RBFOX1: variants seen among roughly 807,000 people sequenced by gnomAD.
RBFOX1 encodes the protein RNA binding fox-1 homolog 1.
Under a neutral mutation model 57.7 loss-of-function variants are expected in RBFOX1, and 8 were observed. The observed-to-expected ratio is 0.14, with a 90% CI of 0.08 to 0.25. The LOEUF (loss-of-function observed/expected upper bound fraction) is 0.25, where lower values mean the gene tolerates loss of function less well. RBFOX1 is among the 10% of genes least tolerant of loss of function. The pLI, the probability that RBFOX1 is intolerant of heterozygous loss-of-function variation, is 1.00. For synonymous variants in RBFOX1, 326 were observed against 222.4 expected (o/e 1.47, Z -4.15); for missense variants, 611 against 548.5 (o/e 1.11, Z -1.14).
intron 4 of RBFOX1, among the ~76,000 whole-genome samples, chr16:7,145,898 C>G (rs1473572307): frequency 6.6e-6 from 1 of 152,136 alleles, no homozygotes; most frequent in Non-Finnish European, 1.5e-5. Flanking sequence ...TTCCCATCCC[C>G]TCAAGTCCAT....
At chr16:5,432,829 G>A (rs4273040) in intron 1 of RBFOX1, among the ~76,000 whole-genome samples, 87,397 of 150,974 alleles carry the variant, frequency 0.58, 25,436 homozygotes, top group East Asian at 0.68. Flanking sequence ...TCTGTCTCCT[G>A]GGTTGGAGTG....
chr16:6,635,811 C>G (rs1052264540), intron 2 of RBFOX1, among the ~76,000 whole-genome samples: 1 of 152,142 alleles, frequency 6.6e-6, no homozygotes, highest in Non-Finnish European at 1.5e-5. Flanking sequence ...GTTTAGGTCA[C>G]TATCATATTC....
At chr16:7,000,814 G>C (rs1004884368) in intron 3 of RBFOX1, among the ~76,000 whole-genome samples, 5 of 151,932 alleles carry the variant, frequency 3.3e-5, no homozygotes, top group African/African-American at 9.7e-5. Flanking sequence ...GTGTTAGCCA[G>C]GATGCTCTCG....
intron 2 of RBFOX1, among the ~76,000 whole-genome samples, chr16:6,440,608 C>G (rs2094355971): frequency 1.3e-5 from 2 of 152,034 alleles, no homozygotes; most frequent in African/African-American, 4.8e-5. Flanking sequence ...CAAGATCATC[C>G]TGGCCAATAC....
intron 3 of RBFOX1, among the ~76,000 whole-genome samples, chr16:5,725,186 C>G (rs964258724): frequency 3.9e-5 from 6 of 152,112 alleles, no homozygotes; most frequent in Non-Finnish European, 8.8e-5. Context: ...ATGAGCATGC[C>G]AAAACAATCC....
intron 9 of RBFOX1, among the ~76,000 whole-genome samples, chr16:7,602,025 G>A (rs538026654): frequency 1.3e-5 from 2 of 152,168 alleles, no homozygotes; most frequent in Admixed American, 6.5e-5. Context: ...AGAAAGCATT[G>A]ACAGGCAGTT....
intron 2 of RBFOX1, among the ~76,000 whole-genome samples, chr16:6,416,026 TGA>T (rs2093615717): frequency 6.6e-6 from 1 of 152,202 alleles, no homozygotes; most frequent in African/African-American, 2.4e-5. Context: ...CTGCTGTTTC[TGA>T]GATGAGCTAC....
intron 4 of RBFOX1, among the ~76,000 whole-genome samples, chr16:7,419,925 C>CCT (rs2098523528): frequency 9.8e-6 from 1 of 101,732 alleles, no homozygotes; most frequent in Admixed American, 1.0e-4. Flanking sequence ...TTCTTTCTTC[C>CCT]TTTTTTTTTT....
chr16:6,873,201 G>C (rs2061255935), intron 3 of RBFOX1, among the ~76,000 whole-genome samples: 1 of 151,414 alleles, frequency 6.6e-6, no homozygotes, highest in African/African-American at 2.4e-5. Flanking sequence ...GAGGAGTAGA[G>C]ATTTTTGCCT....
intron 3 of RBFOX1, among the ~76,000 whole-genome samples, chr16:6,861,747 C>G (rs531596539): frequency 2.6e-5 from 4 of 151,006 alleles, no homozygotes; most frequent in African/African-American, 9.8e-5. Flanking sequence ...ATTTGAAAAC[C>G]CTATTGATAA....
chr16:6,473,638 T>C (rs2095226840), intron 2 of RBFOX1, among the ~76,000 whole-genome samples: 1 of 152,112 alleles, frequency 6.6e-6, no homozygotes, highest in African/African-American at 2.4e-5. Flanking sequence ...ACAGAGGCTA[T>C]TTATTCAGAG....
rs571877331 is a variant in RBFOX1 at position 6,833,219 on chromosome 16, G to A, written c.-16+178569G>A. On this transcript the variant is annotated intron_variant, in intron 3 of 15. Coordinates refer to ENST00000550418, the MANE Select transcript of RBFOX1 (RefSeq NM_018723.4). ...CTTTTTCTGTCACCCAGGGTGGAGT[G>A]CAGTGGTAAAATCTCGGCTCATTAC... Among the ~76,000 whole-genome samples, 4 of 151,766 alleles carry A rather than the reference G, an allele frequency of 2.6e-5. No individual in the cohort carries two copies. In the South Asian group the frequency reaches 8.4e-4, roughly 32 times the overall value.
At chr16:6,058,287 T>C (rs1185999599) in intron 1 of RBFOX1, among the ~76,000 whole-genome samples, 1 of 151,842 alleles carries the variant, frequency 6.6e-6, no homozygotes, top group Non-Finnish European at 1.5e-5. Context: ...CCTCCTTCTT[T>C]CCCTGCCTTC....
chr16:6,659,586 T>C (rs532724889), intron 3 of RBFOX1, among the ~76,000 whole-genome samples: 2 of 152,148 alleles, frequency 1.3e-5, no homozygotes, highest in Non-Finnish European at 2.9e-5. Context: ...TTGCCTGAGA[T>C]CACTCAAGCA....
At chr16:5,599,814 G>A (rs756060175) in exon 3 of RBFOX1, 1 of 153,332 alleles carries the variant, frequency 6.5e-6, no homozygotes, top group Non-Finnish European at 1.5e-5. Context: ...TCGTAATGTA[G>A]GTATGGTGAG....
At chr16:6,855,429 A>G (rs1603632757) in intron 3 of RBFOX1, among the ~76,000 whole-genome samples, 1 of 151,956 alleles carries the variant, frequency 6.6e-6, no homozygotes, top group Non-Finnish European at 1.5e-5. Flanking sequence ...AGGCGGGCGG[A>G]TCATGAGGTC....
chr16:7,639,951 C>G (rs965263989), intron 11 of RBFOX1, among the ~76,000 whole-genome samples: 2 of 152,154 alleles, frequency 1.3e-5, no homozygotes, highest in Non-Finnish European at 2.9e-5. Context: ...ATGGTGAACT[C>G]CAGAGATTAT....
chr16:6,033,540 C>T (rs12933181), intron 1 of RBFOX1, among the ~76,000 whole-genome samples: 26,274 of 152,150 alleles, frequency 0.17, 2,755 homozygotes, highest in South Asian at 0.25. Context: ...CCACTGTTTG[C>T]TCTTTTTAAA....
At chr16:5,542,801 C>T (rs983865929) in intron 2 of RBFOX1, among the ~76,000 whole-genome samples, 1 of 152,154 alleles carries the variant, frequency 6.6e-6, no homozygotes, top group Non-Finnish European at 1.5e-5. Flanking sequence ...CTTTACCATC[C>T]ATACTCATTA....
Sources: gnomAD v4.1 joint callset for allele counts (sites outside exome capture counted in the v4.1 genomes callset) on GRCh38, gnomAD v4.1.1 for gene constraint, MANE v1.5 for transcripts, NCBI Gene and HGNC (gene_info 2026-07-23, HGNC 2026-07-21) for gene names.